The following PTPRN2 variants were observed in gnomAD, a reference collection of about 807,000 sequenced individuals.
PTPRN2 encodes the protein protein tyrosine phosphatase receptor type N2, also known as receptor-type tyrosine-protein phosphatase N2.
PTPRN2 carries 74 observed loss-of-function variants against 118.8 expected under a neutral mutation model. The observed-to-expected ratio is 0.62, with a 90% CI of 0.52 to 0.76. The LOEUF (loss-of-function observed/expected upper bound fraction) is 0.76, where lower values mean the gene tolerates loss of function less well. Ranked by LOEUF, PTPRN2 falls within the 30% of genes least tolerant of loss-of-function variation. PTPRN2 has a pLI of 0.00. For missense variants in PTPRN2, 1,481 were observed against 1,394.4 expected (o/e 1.06, Z -0.99); for synonymous variants, 641 against 608.0 (o/e 1.05, Z -0.80).
At chr7:157,642,237 C>T (rs537564001) in intron 14 of PTPRN2, among the ~76,000 whole-genome samples, 3 of 152,344 alleles carry the variant, frequency 2.0e-5, no homozygotes, top group African/African-American at 4.8e-5. Flanking sequence ...GCCTCCTTCA[C>T]ACCCAGCATC....
intron 15 of PTPRN2, among the ~76,000 whole-genome samples, chr7:157,606,094 AG>A (rs1195191277): frequency 6.6e-6 from 1 of 152,214 alleles, no homozygotes; most frequent in Non-Finnish European, 1.5e-5. Flanking sequence ...CCCAAAGTCC[AG>A]AGGGGGCTGA....
intron 12 of PTPRN2, among the ~76,000 whole-genome samples, chr7:157,839,052 C>T (rs1294354536): frequency 2.6e-5 from 4 of 152,282 alleles, no homozygotes; most frequent in South Asian, 2.1e-4. Context: ...AGCTCCTCTC[C>T]GCCGTGGCTA....
At chr7:158,163,139 A>C (rs1231530566) in intron 6 of PTPRN2, among the ~76,000 whole-genome samples, 2 of 152,224 alleles carry the variant, frequency 1.3e-5, no homozygotes, top group Non-Finnish European at 2.9e-5. Context: ...GAGGAGCATC[A>C]GGAAAGCCTG....
Position 157,676,101 on chromosome 7 carries a change from A to C in PTPRN2, c.2001+6624T>G, listed in dbSNP as rs1474884483. ...GTTTGTCCTTGTCACGAACTCAAAG[A>C]GCTGACCTCTCTGGGCCGGCACACA... On this transcript the variant is annotated intron_variant, in intron 13 of 22. Coordinates refer to ENST00000389418, the MANE Select transcript of PTPRN2 (RefSeq NM_002847.5). This position sits in a 1 kb window ranked among gnomAD's most constrained non-coding sequence, Gnocchi z 5.6. Among the ~76,000 whole-genome samples, 1 of 151,930 alleles carries C rather than the reference A, an allele frequency of 6.6e-6. No individual in the cohort carries two copies. Among genetic ancestry groups the C allele is most frequent in the African/African-American group, 2.4e-5 (1 of 41,350 alleles).
At chr7:158,333,467 C>A (rs1259825600) in intron 2 of PTPRN2, among the ~76,000 whole-genome samples, 1 of 147,240 alleles carries the variant, frequency 6.8e-6, no homozygotes, top group Admixed American at 6.7e-5. Context: ...CACCCACACT[C>A]TCTCCATAAG....
In PTPRN2 at chr7:158,304,157, T is replaced by G. The variant is rs574964204; in HGVS notation, c.277+12662A>C. Among the ~76,000 whole-genome samples, 5 of 143,328 alleles carry G rather than the reference T, an allele frequency of 3.5e-5. No homozygotes were observed. In the East Asian group the frequency reaches 1.0e-3, roughly 29 times the overall value. The allele number at this position is 143,328 out of a possible 152,430, so 94.0% of individuals were successfully genotyped here. A position where few individuals can be genotyped will look rare whatever the true frequency, so the allele number is the denominator to read the frequency against. On this transcript the variant is annotated intron_variant, in intron 3 of 22. Coordinates refer to ENST00000389418, the MANE Select transcript of PTPRN2 (RefSeq NM_002847.5). Reference sequence around the variant, plus strand: ...AAGACATCCATCAATACACATAAGATGTACACAGGCTTGGATTTCTACATG... The same window carrying G: ...AAGACATCCATCAATACACATAAGAGGTACACAGGCTTGGATTTCTACATG...
chr7:157,812,231 C>T (rs941767679), intron 12 of PTPRN2, among the ~76,000 whole-genome samples: 9 of 152,322 alleles, frequency 5.9e-5, no homozygotes, highest in East Asian at 1.9e-4. Flanking sequence ...TCCGAGGGGC[C>T]GTCCTCCTCC....
At chr7:158,210,305 T>G (rs924336252) in intron 3 of PTPRN2, among the ~76,000 whole-genome samples, 15 of 151,918 alleles carry the variant, frequency 9.9e-5, no homozygotes, top group African/African-American at 3.1e-4. Context: ...CTGGCTAATT[T>G]TTTGTATTTT....
At chr7:158,077,057 T>A (rs1031321277) in intron 11 of PTPRN2, among the ~76,000 whole-genome samples, 1 of 152,260 alleles carries the variant, frequency 6.6e-6, no homozygotes, top group African/African-American at 2.4e-5. Context: ...TAAGCACGTT[T>A]GTCTGCTTTA....
chr7:158,497,997 A>T (rs534679892), intron 1 of PTPRN2, among the ~76,000 whole-genome samples: 16 of 152,264 alleles, frequency 1.1e-4, no homozygotes, highest in African/African-American at 3.9e-4. Flanking sequence ...CTTGGGGCTC[A>T]GGCCCCTCCA....
At chr7:158,298,679 C>T (rs1407664561) in intron 3 of PTPRN2, among the ~76,000 whole-genome samples, 2 of 152,146 alleles carry the variant, frequency 1.3e-5, no homozygotes, top group African/African-American at 4.8e-5. Context: ...TGGAGGAGGG[C>T]GCAAGGGCCC....
chr7:158,513,026 G>A (rs568726158), intron 1 of PTPRN2, among the ~76,000 whole-genome samples: 4 of 152,328 alleles, frequency 2.6e-5, no homozygotes, highest in Middle Eastern at 3.4e-3. Flanking sequence ...AGAGCATGAC[G>A]CGTCACTCAC....
Position 157,568,961 on chromosome 7 carries a change from C to A in PTPRN2, c.2843G>T (p.Gly948Val). Reference protein sequence around the residue: ...SCPIIVHCSDGAGRSGTYVLI... With the variant: ...SCPIIVHCSDVAGRSGTYVLI... ...GACGTAGGTGCCGCTCCGGCCTGCA[C>A]CGTCACTGCCAACAGAAGGAGAGAA... Residue 948 changes from glycine (G) to valine (V), a missense_variant, in exon 21 of 23, where the codon GGT becomes GTT. Around this residue, in one of 3 missense-constraint regions of PTPRN2, gnomAD observed 362 missense variants for 384.1 expected, o/e 0.94. Transcript: ENST00000389418. 1 of 1,568,100 alleles carries A rather than the reference C, an allele frequency of 6.4e-7. No individual in the cohort carries two copies. Among genetic ancestry groups the A allele is most frequent in the East Asian group, 2.2e-5 (1 of 44,656 alleles).
intron 11 of PTPRN2, chr7:158,030,380 C>T (rs1408522015): frequency 6.6e-6 from 1 of 152,234 alleles, no homozygotes; most frequent in Non-Finnish European, 1.5e-5. Flanking sequence ...GGGACTATGT[C>T]CCCCAGCAAA....
chr7:158,109,688 CTG>C (rs1251046774), intron 10 of PTPRN2, among the ~76,000 whole-genome samples: 6 of 151,682 alleles, frequency 4.0e-5, no homozygotes, highest in Non-Finnish European at 8.8e-5. Flanking sequence ...GATGTCACCC[CTG>C]TGTGAGGGAG....
intron 2 of PTPRN2, among the ~76,000 whole-genome samples, chr7:158,373,963 A>G (rs1426619366): frequency 2.6e-5 from 4 of 152,206 alleles, no homozygotes; most frequent in East Asian, 3.9e-4. Flanking sequence ...AGATGAGAAG[A>G]TGAGACGCTG....
intron 11 of PTPRN2, among the ~76,000 whole-genome samples, chr7:157,920,585 A>G (rs1323435368): frequency 6.6e-6 from 1 of 152,228 alleles, no homozygotes; most frequent in Non-Finnish European, 1.5e-5. Context: ...CTTGTGTTTT[A>G]TCAATACATT....
At position 158,520,617 on chromosome 7, in the gene PTPRN2, G is replaced by A. The variant is rs763685525; in HGVS notation, c.113-30832C>T. ...CAACCCCGACTTCCAAGCTCTGGGCGGCCTTCCACTGTTTTGTGGGTGGTG... is the reference window on the plus strand; with the variant it reads ...CAACCCCGACTTCCAAGCTCTGGGCAGCCTTCCACTGTTTTGTGGGTGGTG... On this transcript the variant is annotated intron_variant, in intron 1 of 22. Transcript: ENST00000389418. Among the ~76,000 whole-genome samples the A allele has an allele frequency of 1.2e-4, 19 of 152,286 alleles. No individual in the cohort carries two copies. The East Asian group carries it at 1.9e-3, about 15-fold the overall frequency.
chr7:157,792,276 G>A (rs1804557376), intron 12 of PTPRN2, among the ~76,000 whole-genome samples: 1 of 152,270 alleles, frequency 6.6e-6, no homozygotes, highest in South Asian at 2.1e-4. Flanking sequence ...GGCGCCCGCA[G>A]CGGGGCATCT....
Sources: allele counts gnomAD v4.1 joint callset (sites outside exome capture counted in the v4.1 genomes callset), GRCh38; gene constraint gnomAD v4.1.1; regional missense constraint gnomAD v4.1.1; non-coding constraint Gnocchi (gnomAD v3.1); transcripts MANE v1.5; gene names NCBI Gene and HGNC (gene_info 2026-07-23, HGNC 2026-07-21).